CLIC5: variants seen among roughly 807,000 people sequenced by gnomAD.
The protein encoded by CLIC5 is chloride intracellular channel protein 5.
A neutral mutation model predicts 24.7 loss-of-function variants in CLIC5; 20 were observed. The observed-to-expected ratio is 0.81, with a 90% confidence interval of 0.57 to 1.18. The LOEUF (loss-of-function observed/expected upper bound fraction) is 1.18. Among genes scored for constraint, CLIC5 ranks in the 50% most tolerant of loss-of-function variants. CLIC5 has a pLI of 0.00. For missense variants in CLIC5, 341 were observed against 326.1 expected (o/e 1.05, Z -0.35); for synonymous variants, 159 against 135.6 (o/e 1.17, Z -1.20).
intron 6 of CLIC5, among the ~76,000 whole-genome samples, chr6:45,891,881 G>A (rs2127284098): frequency 6.6e-6 from 1 of 152,272 alleles, no homozygotes; most frequent in Middle Eastern, 3.4e-3. Flanking sequence ...ATGTACAACT[G>A]TACGATGAAG....
upstream of CLIC5, among the ~76,000 whole-genome samples, chr6:46,017,535 A>T (rs2127447807): frequency 6.6e-6 from 1 of 152,292 alleles, no homozygotes; most frequent in Non-Finnish European, 1.5e-5. Context: ...CTGTCCTCTC[A>T]ACTGCTCTAC....
intron 1 of CLIC5, among the ~76,000 whole-genome samples, chr6:45,963,660 A>C (rs1369277128): frequency 6.6e-6 from 1 of 152,172 alleles, no homozygotes; most frequent in Non-Finnish European, 1.5e-5. Flanking sequence ...CTTAAAAAAA[A>C]AAAGTAGAAA....
At chr6:46,054,293 C>T (rs1768186666) in intron 1 of CLIC5, among the ~76,000 whole-genome samples, 1 of 152,084 alleles carries the variant, frequency 6.6e-6, no homozygotes, top group African/African-American at 2.4e-5. Context: ...TAAAACCCAC[C>T]ACTGCCAAAA....
At chr6:45,893,971 A>G (rs182528067), downstream of CLIC5, among the ~76,000 whole-genome samples, 518 of 152,370 alleles carry the variant, frequency 3.4e-3, 4 homozygotes, top group African/African-American at 0.011. Context: ...CACAAGAACC[A>G]GTTCATACTC....
At chr6:46,087,212 C>G in the CLIC5 span, among the ~76,000 whole-genome samples, 1 of 152,106 alleles carries the variant, frequency 6.6e-6, no homozygotes, top group Admixed American at 6.5e-5. Flanking sequence ...CCTAGAGGAG[C>G]TTGGGTAAAA....
the CLIC5 span, among the ~76,000 whole-genome samples, chr6:46,108,032 C>CAAAAAAAAAAAA: frequency 7.7e-3 from 255 of 33,156 alleles, 2 homozygotes; most frequent in Non-Finnish European, 9.6e-3. Context: ...AAAACTCCAT[C>CAAAAAAAAAAAA]AAAAAAAAAA....
intron 1 of CLIC5, among the ~76,000 whole-genome samples, chr6:46,032,351 T>C (rs956086342): frequency 2.6e-5 from 4 of 152,232 alleles, no homozygotes; most frequent in African/African-American, 9.6e-5. Flanking sequence ...ACAATGGGAA[T>C]TGCAGTTCAT....
upstream of CLIC5, among the ~76,000 whole-genome samples, chr6:46,017,318 TAAA>T (rs567100419): frequency 1.2e-3 from 176 of 152,262 alleles, no homozygotes; most frequent in Middle Eastern, 6.8e-3. Flanking sequence ...TATCGCTTAA[TAAA>T]AAAATAAGTA....
In CLIC5 at chr6:45,964,771, C is replaced by T. The variant is rs573064992; in HGVS notation, c.64-9527G>A. Among the ~76,000 whole-genome samples the T allele has an allele frequency of 3.3e-5, 5 of 152,302 alleles. No individual in the cohort carries two copies. The East Asian group carries it at 5.8e-4, about 18-fold the overall frequency. Reference sequence around the variant, plus strand: ...ATTCTAACCAAGTCCTGGCCAAATGCAGGTTTTTGAGCAAAATAAATGTTG... The same window carrying T: ...ATTCTAACCAAGTCCTGGCCAAATGTAGGTTTTTGAGCAAAATAAATGTTG... On this transcript the variant is annotated intron_variant, in intron 1 of 5. Coordinates refer to ENST00000339561, the MANE Select transcript of CLIC5 (RefSeq NM_016929.5).
intron 1 of CLIC5, among the ~76,000 whole-genome samples, chr6:45,968,289 T>A (rs780980687): frequency 1.3e-5 from 2 of 152,208 alleles, no homozygotes; most frequent in Non-Finnish European, 2.9e-5. Flanking sequence ...TAAGTATGAA[T>A]TGTTGGTAAC....
downstream of CLIC5, among the ~76,000 whole-genome samples, chr6:45,896,624 T>C (rs1046220275): frequency 6.6e-6 from 1 of 152,212 alleles, no homozygotes; most frequent in Non-Finnish European, 1.5e-5. Context: ...AAAAGCAGCA[T>C]AGGTCACAAC....
At chr6:45,976,619 C>T (rs1027583106) in intron 1 of CLIC5, among the ~76,000 whole-genome samples, 1 of 152,224 alleles carries the variant, frequency 6.6e-6, no homozygotes, top group Non-Finnish European at 1.5e-5. Context: ...CATGCACAGA[C>T]AGACTTTATT....
chr6:46,047,257 C>G (rs1192407911), intron 1 of CLIC5, among the ~76,000 whole-genome samples: 1 of 152,096 alleles, frequency 6.6e-6, no homozygotes, highest in Non-Finnish European at 1.5e-5. Context: ...TTTGTGTGGT[C>G]CTAAGTTATT....
At chr6:46,073,643 G>A (rs868116304) in intron 1 of CLIC5, among the ~76,000 whole-genome samples, 29 of 152,118 alleles carry the variant, frequency 1.9e-4, no homozygotes, top group African/African-American at 6.5e-4. Context: ...TATTACTCTT[G>A]GTTGCTCTCA....
chr6:46,034,813 G>A (rs538086539), intron 1 of CLIC5, among the ~76,000 whole-genome samples: 1 of 152,274 alleles, frequency 6.6e-6, no homozygotes, highest in African/African-American at 2.4e-5. Flanking sequence ...AGCTGACAGA[G>A]GCTAGAGCAG....
the CLIC5 span, among the ~76,000 whole-genome samples, chr6:46,117,507 C>A: frequency 6.6e-6 from 1 of 152,198 alleles, no homozygotes; most frequent in Non-Finnish European, 1.5e-5. Context: ...CTTTTAATAT[C>A]TTAAGTGGGC....
intron 1 of CLIC5, among the ~76,000 whole-genome samples, chr6:46,076,122 T>C (rs1200683346): frequency 1.3e-5 from 2 of 152,214 alleles, no homozygotes; most frequent in African/African-American, 4.8e-5. Context: ...AATCGCCCAA[T>C]GCCTCCCGCT....
At chr6:46,012,008 A>G (rs1028194464) in intron 1 of CLIC5, among the ~76,000 whole-genome samples, 5 of 152,182 alleles carry the variant, frequency 3.3e-5, no homozygotes, top group African/African-American at 9.7e-5. Flanking sequence ...TTCAATTTAC[A>G]AAGTGTTTTC....
chr6:46,033,139 C>G lies in CLIC5; in HGVS notation c.540+46564G>C, dbSNP rs543326555. 2.0e-5 allele frequency among the ~76,000 whole-genome samples: 3 copies of G among 152,044 alleles called. No homozygotes were observed. The South Asian group carries it at 6.2e-4, about 32-fold the overall frequency. On this transcript the variant is annotated intron_variant, in intron 1 of 5. Coordinates refer to the CLIC5 transcript ENST00000185206. Reference sequence around the variant, plus strand: ...GAGTACCTGGGACTACAGGCATGTGCCACCACGCCCAGCTAATTTTTGTGT... The same window carrying G: ...GAGTACCTGGGACTACAGGCATGTGGCACCACGCCCAGCTAATTTTTGTGT...
Sources: gnomAD v4.1 joint callset for allele counts (sites outside exome capture counted in the v4.1 genomes callset) on GRCh38, gnomAD v4.1.1 for gene constraint, MANE v1.5 for transcripts, NCBI Gene and HGNC (gene_info 2026-07-23, HGNC 2026-07-21) for gene names.